The following CAMKK2 variants were observed in gnomAD, a reference collection of about 807,000 sequenced individuals.
CAMKK2 encodes calcium/calmodulin-dependent protein kinase kinase 2.
A neutral mutation model predicts 67.2 loss-of-function variants in CAMKK2; 30 were observed. The observed-to-expected ratio is 0.45, with a 90% confidence interval of 0.33 to 0.61. The LOEUF is 0.61. CAMKK2 is among the 20% of genes least tolerant of loss of function. CAMKK2 has a pLI of 0.02. For missense variants in CAMKK2, 643 were observed against 802.0 expected, an observed-to-expected ratio of 0.80 and a Z score of 2.39; for synonymous variants, 322 against 326.2, an observed-to-expected ratio of 0.99 and a Z score of 0.14.
intron 1 of CAMKK2, among the ~76,000 whole-genome samples, chr12:121,284,062 G>A (rs1898275982): frequency 2.0e-5 from 3 of 152,186 alleles, no homozygotes; most frequent in East Asian, 1.9e-4. Context: ...TGCCTGCCAC[G>A]GCCCACGCCC....
chr12:121,270,851 C>T (rs200185824), intron 3 of CAMKK2, 47 bp downstream of exon 3: 18 of 1,486,984 alleles, frequency 1.2e-5, no homozygotes, highest in Non-Finnish European at 1.4e-5. Context: ...AGTATCTGAA[C>T]GCCCCTGGTG....
Position 121,240,583 on chromosome 12 carries a change from C to CA in CAMKK2, c.*115_*116insT. 6.5e-7 allele frequency: 1 copy of CA among 1,530,960 alleles called. No homozygotes were observed. The highest frequency in any genetic ancestry group is 8.7e-7 in the Non-Finnish European group (1 of 1,145,758). 94.8% of individuals were successfully genotyped at this position (1,530,960 alleles called of 1,614,324 possible). A position where few individuals can be genotyped will look rare whatever the true frequency, so the allele number is the denominator to read the frequency against. ...GGAAAAAACAAATAACCAGAGATGA[C>CA]GATCGAGGCTCTACACACGTGCTGG... On this transcript the variant is annotated 3_prime_UTR_variant, in exon 17 of 17. Transcript: ENST00000404169. This position sits in a 1 kb window ranked among gnomAD's most constrained non-coding sequence, Gnocchi z 4.4.
Position 121,245,179 on chromosome 12 carries a change from C to A in CAMKK2, c.1514G>T (p.Arg505Leu). Residue 505 changes from arginine (R) to leucine (L), a missense_variant, in exon 15 of 17, where the codon CGG (arginine) becomes CTG (leucine). Physicochemically the swap from Arg to Leu is moderately radical, Grantham distance 102. Transcript: ENST00000404169. This position sits in a 1 kb window ranked among gnomAD's most constrained non-coding sequence, Gnocchi z 5.8. ...AGGCGCTGACAGTGAGCGTTCCTCC[C>A]GCCGGCTGCCCTCGAATGGGTTCCC... is the stretch of plus-strand genomic sequence containing the variant. ...SFGNPFEGSR[R>L]EERSLSAPGN... The A allele has an allele frequency of 6.2e-7, 1 of 1,608,294 alleles. No individual in the cohort carries two copies.
At chr12:121,294,417 A>G (rs1415876279) in intron 1 of CAMKK2, among the ~76,000 whole-genome samples, 1 of 152,194 alleles carries the variant, frequency 6.6e-6, no homozygotes. Flanking sequence ...GAACTAGTGC[A>G]TTGTTATTAG....
Position 121,253,572 on chromosome 12 carries a change from C to G in CAMKK2, c.908-100G>C. 1 of 992,926 alleles carries G rather than the reference C, an allele frequency of 1.0e-6. No homozygotes were observed. Among genetic ancestry groups the G allele is most frequent in the Non-Finnish European group, 1.6e-6 (1 of 631,040 alleles). 61.5% of individuals were successfully genotyped at this position (992,926 alleles called of 1,614,324 possible). The stretch of plus-strand genomic sequence containing the variant: ...CTGGAGACACAGGCATGGCACCCCT[C>G]TGATGCCTTGTCTCCCACAGCCCCA... On this transcript the variant is annotated intron_variant, in intron 9 of 16. Coordinates refer to ENST00000404169, the MANE Select transcript of CAMKK2 (RefSeq NM_001270485.2). This position sits in a 1 kb window ranked among gnomAD's most constrained non-coding sequence, Gnocchi z 5.0.
chr12:121,239,721 G>A lies in CAMKK2; in HGVS notation c.*978C>T, dbSNP rs1013269459. On this transcript the variant is annotated 3_prime_UTR_variant, in exon 17 of 17. Coordinates refer to ENST00000404169, the MANE Select transcript of CAMKK2 (RefSeq NM_001270485.2). ...TAAGCTGCTAATATATATACAGGCG[G>A]GCATAGGTTTCATCGGCTCTAACTG... 1.3e-5 allele frequency: 2 copies of A among 152,190 alleles called. No homozygotes were observed. Among genetic ancestry groups the A allele is most frequent in the African/African-American group, 4.8e-5 (2 of 41,420 alleles). The allele number at this position is 152,190 out of a possible 1,614,324, so 9.4% of individuals were successfully genotyped here.
Position 121,248,502 on chromosome 12 carries a change from G to A in CAMKK2, c.1452+104C>T, listed in dbSNP as rs188345689. 4.9e-5 allele frequency: 68 copies of A among 1,376,616 alleles called. No individual in the cohort carries two copies. The East Asian group carries it at 1.0e-3, about 21-fold the overall frequency. The allele number at this position is 1,376,616 out of a possible 1,614,324, so 85.3% of individuals were successfully genotyped here. The stretch of plus-strand genomic sequence containing the variant: ...CAGCTGTGGATTAGGGGTGGCCCCC[G>A]GACATCTGACTCCCGGGCACCCGCC... On this transcript the variant is annotated intron_variant, in intron 14 of 16. Coordinates refer to ENST00000404169, the MANE Select transcript of CAMKK2 (RefSeq NM_001270485.2).
At chr12:121,257,733 G>C (rs1593341817) in intron 7 of CAMKK2, among the ~76,000 whole-genome samples, 1 of 152,122 alleles carries the variant, frequency 6.6e-6, no homozygotes, top group African/African-American at 2.4e-5. Flanking sequence ...GCTTCAGGCT[G>C]TAGTTAAAAA....
At chr12:121,281,408 C>T (rs188799409) in intron 1 of CAMKK2, among the ~76,000 whole-genome samples, 9 of 152,368 alleles carry the variant, frequency 5.9e-5, no homozygotes, top group Admixed American at 2.0e-4. Flanking sequence ...GCCAAGGCTA[C>T]GGATGATGTC....
At chr12:121,244,065 C>T in intron 16 of CAMKK2, 2 of 1,603,540 alleles carry the variant, frequency 1.2e-6, no homozygotes, top group South Asian at 2.3e-5. Context: ...AGGTCTGCAT[C>T]CACTCGGGTG....
At chr12:121,270,814 CT>C in intron 3 of CAMKK2, 83 bp downstream of exon 3, 1 of 1,088,562 alleles carries the variant, frequency 9.2e-7, no homozygotes, top group Non-Finnish European at 1.4e-6. Flanking sequence ...TCCTCTCCTG[CT>C]CCCAGCTTTA....
At chr12:121,284,637 T>C (rs1405844766) in intron 1 of CAMKK2, among the ~76,000 whole-genome samples, 2 of 152,130 alleles carry the variant, frequency 1.3e-5, no homozygotes, top group African/African-American at 4.8e-5. Flanking sequence ...GCTGAGTTTT[T>C]CAGGAAGGGG....
intron 15 of CAMKK2, 80 bp from the exon 16 acceptor site, chr12:121,244,695 G>T (rs538708438): frequency 2.6e-6 from 3 of 1,174,216 alleles, no homozygotes; most frequent in Non-Finnish European, 3.6e-6. Flanking sequence ...CCCACCCTGA[G>T]ACACTCAGAC....
At chr12:121,279,698 T>C in intron 1 of CAMKK2, among the ~76,000 whole-genome samples, 1 of 152,212 alleles carries the variant, frequency 6.6e-6, no homozygotes, top group South Asian at 2.1e-4. Flanking sequence ...CCCTGCATCC[T>C]TCCCCATGAA....
At chr12:121,286,837 T>C (rs544835009) in intron 1 of CAMKK2, among the ~76,000 whole-genome samples, 6 of 152,272 alleles carry the variant, frequency 3.9e-5, no homozygotes, top group South Asian at 2.1e-4. Flanking sequence ...GCTCACTATA[T>C]AGAAGCTATT....
At chr12:121,277,138 G>A (rs1896975483) in intron 1 of CAMKK2, among the ~76,000 whole-genome samples, 1 of 152,144 alleles carries the variant, frequency 6.6e-6, no homozygotes, top group Non-Finnish European at 1.5e-5. Flanking sequence ...ACTACGCCAG[G>A]CACGTGGCAG....
intron 6 of CAMKK2, among the ~76,000 whole-genome samples, 170 bp downstream of exon 6, chr12:121,263,635 GA>G (rs75657508): frequency 6.6e-6 from 1 of 152,094 alleles, no homozygotes; most frequent in African/African-American, 2.4e-5. Context: ...AGAAAGAAGA[GA>G]AAAAATAGTT....
At chr12:121,275,105 G>A (rs969811603) in intron 1 of CAMKK2, among the ~76,000 whole-genome samples, 3 of 152,110 alleles carry the variant, frequency 2.0e-5, no homozygotes, top group African/African-American at 7.2e-5. Flanking sequence ...ACTATTGCTG[G>A]TCTTCCCTTT....
At chr12:121,243,819 C>G (rs1224986754) in intron 16 of CAMKK2, 18 of 1,223,206 alleles carry the variant, frequency 1.5e-5, no homozygotes, top group Non-Finnish European at 1.7e-5. Context: ...TGAATTGTAC[C>G]TCAGTAAAGC....
Sources: allele counts gnomAD v4.1 joint callset (sites outside exome capture counted in the v4.1 genomes callset), GRCh38; gene constraint gnomAD v4.1.1; non-coding constraint Gnocchi (gnomAD v3.1); transcripts MANE v1.5; gene names NCBI Gene and HGNC (gene_info 2026-07-23, HGNC 2026-07-21).